The following CTTNBP2NL variants were observed in gnomAD, a reference collection of about 807,000 sequenced individuals.
CTTNBP2NL encodes CTTNBP2 N-terminal-like protein.
A neutral mutation model predicts 32.5 loss-of-function variants in CTTNBP2NL; 16 were observed. The observed-to-expected ratio is 0.49, with a 90% CI of 0.33 to 0.75. The LOEUF (loss-of-function observed/expected upper bound fraction) is 0.75. CTTNBP2NL is among the 30% of genes least tolerant of loss of function. The pLI, the probability that CTTNBP2NL is intolerant of heterozygous loss-of-function variation, is 0.02. For synonymous variants in CTTNBP2NL, 298 were observed against 289.4 expected (o/e 1.03, Z -0.30); for missense variants, 645 against 756.0 (o/e 0.85, Z 1.72).
chr1:112,419,792 G>A (rs992098066), intron 3 of CTTNBP2NL, among the ~76,000 whole-genome samples: 1 of 152,112 alleles, frequency 6.6e-6, no homozygotes, highest in Admixed American at 6.5e-5. Flanking sequence ...AGTCTTAAAC[G>A]GACTCAAGTT....
At chr1:112,393,708 C>T (rs754587199), upstream of CTTNBP2NL, among the ~76,000 whole-genome samples, 62 of 152,214 alleles carry the variant, frequency 4.1e-4, no homozygotes, top group Non-Finnish European at 1.2e-4. Flanking sequence ...ACCCTCAAGA[C>T]TCTGAATCCT....
intron 3 of CTTNBP2NL, among the ~76,000 whole-genome samples, chr1:112,433,567 G>A (rs141303844): frequency 0.017 from 2,591 of 152,264 alleles, 189 homozygotes; most frequent in Admixed American, 0.12. Flanking sequence ...ACTGCAGCTC[G>A]GGCGACAGAG....
At chr1:112,397,770 C>T (rs1456485357) in intron 1 of CTTNBP2NL, among the ~76,000 whole-genome samples, 2 of 152,174 alleles carry the variant, frequency 1.3e-5, no homozygotes, top group African/African-American at 4.8e-5. Context: ...AAGTCTACCT[C>T]CCCTCTGTCA....
At chr1:112,393,178 C>G (rs1648225052), upstream of CTTNBP2NL, among the ~76,000 whole-genome samples, 1 of 152,036 alleles carries the variant, frequency 6.6e-6, no homozygotes, top group Admixed American at 6.6e-5. Flanking sequence ...TTTTGTACTT[C>G]TAGCCTCAAG....
chr1:112,445,095 C>T (rs570469067), intron 3 of CTTNBP2NL, among the ~76,000 whole-genome samples: 10 of 152,326 alleles, frequency 6.6e-5, no homozygotes, highest in Admixed American at 5.2e-4. Context: ...CCAAGGCCTA[C>T]GCCAACAGTC....
intron 1 of CTTNBP2NL, among the ~76,000 whole-genome samples, chr1:112,411,810 G>GGCAC: frequency 6.6e-6 from 1 of 152,044 alleles, no homozygotes; most frequent in African/African-American, 2.4e-5. Flanking sequence ...AGCCTCGTGA[G>GGCAC]TAGCTGGGAC....
intron 3 of CTTNBP2NL, among the ~76,000 whole-genome samples, chr1:112,440,500 G>T (rs1649863717): frequency 6.6e-6 from 1 of 152,140 alleles, no homozygotes; most frequent in Admixed American, 6.5e-5. Context: ...ACTTTGCATT[G>T]TGACCCAGGG....
chr1:112,434,279 G>A (rs976019788), intron 3 of CTTNBP2NL, among the ~76,000 whole-genome samples: 4 of 152,036 alleles, frequency 2.6e-5, no homozygotes, highest in South Asian at 2.1e-4. Flanking sequence ...TAAATATCCC[G>A]TATCACAGTC....
chr1:112,450,026 T>G (rs187490867), intron 4 of CTTNBP2NL, among the ~76,000 whole-genome samples: 20 of 152,346 alleles, frequency 1.3e-4, no homozygotes, highest in African/African-American at 4.3e-4. Flanking sequence ...TTTAAAACAC[T>G]GTCAGTTTAG....
intron 1 of CTTNBP2NL, among the ~76,000 whole-genome samples, chr1:112,408,288 C>T (rs531211407): frequency 7.2e-6 from 1 of 139,296 alleles, no homozygotes; most frequent in East Asian, 2.1e-4. Context: ...AATTGATCCT[C>T]CTGTTTGGCC....
At chr1:112,400,923 G>A (rs1353516074) in intron 1 of CTTNBP2NL, among the ~76,000 whole-genome samples, 1 of 142,634 alleles carries the variant, frequency 7.0e-6, no homozygotes, top group Non-Finnish European at 1.5e-5. Context: ...CTAAGATTGT[G>A]TCACTGCACT....
chr1:112,394,890 AC>A (rs200511602), upstream of CTTNBP2NL, among the ~76,000 whole-genome samples: 960 of 152,376 alleles, frequency 6.3e-3, 12 homozygotes, highest in East Asian at 0.035. Flanking sequence ...TAAATTGGAC[AC>A]AATGATGTCT....
chr1:112,404,662 A>C (rs1648606009), intron 1 of CTTNBP2NL, among the ~76,000 whole-genome samples: 2 of 152,226 alleles, frequency 1.3e-5, no homozygotes, highest in South Asian at 4.1e-4. Context: ...TAGGGGACTG[A>C]TGGACAGATA....
In CTTNBP2NL at chr1:112,412,510, A is replaced by G. The variant is rs1422600466; in HGVS notation, c.-10+193A>G. 3.3e-5 allele frequency among the ~76,000 whole-genome samples: 5 copies of G among 152,056 alleles called. 1 individual carries two copies. In the East Asian group the frequency reaches 5.8e-4, roughly 18 times the overall value. On this transcript the variant is annotated intron_variant, in intron 2 of 5. Transcript: ENST00000271277. ...ATGGTGGTTATTGGAATATGCAAAA[A>G]CAGATCTGTTGGTTCTTACATTACA... is the stretch of plus-strand genomic sequence containing the variant.
intron 1 of CTTNBP2NL, among the ~76,000 whole-genome samples, chr1:112,408,379 A>G (rs1372612449): frequency 5.3e-5 from 8 of 151,918 alleles, no homozygotes; most frequent in African/African-American, 4.8e-5. Context: ...GACATGTTTT[A>G]CTTCCTAGCC....
upstream of CTTNBP2NL, among the ~76,000 whole-genome samples, chr1:112,395,957 G>C (rs911770144): frequency 1.3e-5 from 2 of 152,246 alleles, no homozygotes; most frequent in Non-Finnish European, 2.9e-5. Context: ...TGCAGACCCC[G>C]AGCCGGGAGG....
At chr1:112,403,227 TTCAG>T (rs557380033) in intron 1 of CTTNBP2NL, among the ~76,000 whole-genome samples, 40 of 152,210 alleles carry the variant, frequency 2.6e-4, no homozygotes, top group Non-Finnish European at 5.4e-4. Flanking sequence ...CCATTTTCTC[TTCAG>T]TCAAGTCAGC....
chr1:112,420,768 T>G lies in CTTNBP2NL; in HGVS notation c.99+4504T>G, dbSNP rs573261136. Among the ~76,000 whole-genome samples, 8 of 152,270 alleles carry G rather than the reference T, an allele frequency of 5.3e-5. No individual in the cohort carries two copies. In the South Asian group the frequency reaches 1.5e-3, roughly 28 times the overall value. ...AGGCATGAGCCACCGTGCCAGCCTA[T>G]TCCTGCTCTCTCTGAGTAAAGTTTA... On this transcript the variant is annotated intron_variant, in intron 3 of 5. Transcript: ENST00000271277.
At chr1:112,422,892 C>T (rs771818190) in intron 3 of CTTNBP2NL, among the ~76,000 whole-genome samples, 1 of 152,004 alleles carries the variant, frequency 6.6e-6, no homozygotes, top group Non-Finnish European at 1.5e-5. Context: ...TCTTGGGCTC[C>T]AGCAATCCTC....
Sources: gnomAD v4.1 joint callset for allele counts (sites outside exome capture counted in the v4.1 genomes callset) on GRCh38, gnomAD v4.1.1 for gene constraint, MANE v1.5 for transcripts, NCBI Gene and HGNC (gene_info 2026-07-23, HGNC 2026-07-21) for gene names.